The following TNIK variants were observed in gnomAD, a reference collection of about 807,000 sequenced individuals.
TNIK encodes the protein TRAF2 and NCK interacting kinase.
Under a neutral mutation model 191.3 loss-of-function variants are expected in TNIK, and 49 were observed. The ratio of observed to expected loss-of-function variants is 0.26; its 90% CI spans 0.20 to 0.32. TNIK has a LOEUF of 0.32. TNIK is among the 10% of genes least tolerant of loss of function. The pLI is 1.00. For missense variants in TNIK, 1,155 were observed against 1,702.3 expected (o/e 0.68, Z 5.66); for synonymous variants, 594 against 600.9 (o/e 0.99, Z 0.17).
chr3:171,394,127 T>A (rs75450865), intron 1 of TNIK, among the ~76,000 whole-genome samples: 1,595 of 152,264 alleles, frequency 0.01, 28 homozygotes, highest in African/African-American at 0.035. Flanking sequence ...CCAGAGTAAT[T>A]TTTATCTGGG....
At chr3:171,258,729 C>T (rs1164886066) in intron 2 of TNIK, among the ~76,000 whole-genome samples, 2 of 152,188 alleles carry the variant, frequency 1.3e-5, no homozygotes, top group Non-Finnish European at 2.9e-5. Flanking sequence ...TCTGCCCACT[C>T]CACCTGGTTC....
At chr3:171,305,046 C>A (rs1006663666) in intron 2 of TNIK, among the ~76,000 whole-genome samples, 11 of 99,310 alleles carry the variant, frequency 1.1e-4, no homozygotes, top group South Asian at 3.2e-4. Context: ...ATCTCTGCCA[C>A]AGGGAAAAAA....
intron 28 of TNIK, 117 bp downstream of exon 28, chr3:171,079,382 GCTGAAGGTTCCAGCAACAT>G (rs1720388789): frequency 2.0e-6 from 2 of 1,005,618 alleles, no homozygotes; most frequent in African/African-American, 3.3e-5. Flanking sequence ...TATAAATAAT[GCTGAAGGTTCCAGCAACAT>G]CTGAAGCTGG....
chr3:171,283,724 C>A (rs913435317), intron 2 of TNIK, among the ~76,000 whole-genome samples: 1 of 152,188 alleles, frequency 6.6e-6, no homozygotes, highest in Non-Finnish European at 1.5e-5. Context: ...CCCTGGGAAG[C>A]TGCCAGTGGC....
chr3:171,314,826 C>G (rs1327523768), intron 2 of TNIK, among the ~76,000 whole-genome samples: 1 of 152,002 alleles, frequency 6.6e-6, no homozygotes, highest in Non-Finnish European at 1.5e-5. Context: ...ATTCAGGAGG[C>G]AGAAGGGAGG....
chr3:171,421,059 G>C (rs1231293691), intron 1 of TNIK, among the ~76,000 whole-genome samples: 1 of 152,178 alleles, frequency 6.6e-6, no homozygotes, highest in Admixed American at 6.5e-5. Flanking sequence ...GGGGACTACA[G>C]TACAAATCCT....
In TNIK at chr3:171,401,971, T is replaced by C. The variant is rs146711847; in HGVS notation, c.58-32286A>G. Among the ~76,000 whole-genome samples the C allele has an allele frequency of 3.3e-3, 508 of 152,306 alleles. 4 individuals carry two copies. Among genetic ancestry groups the C allele is most frequent in the Middle Eastern group, 3.4e-3 (1 of 294 alleles). ...GTCTGTTTCTTAGGAATCTATCAAATAGAAGTCAGCAGTTGCTTCTCAATT... is the reference window on the plus strand; with the variant it reads ...GTCTGTTTCTTAGGAATCTATCAAACAGAAGTCAGCAGTTGCTTCTCAATT... On this transcript the variant is annotated intron_variant, in intron 1 of 32. Coordinates refer to ENST00000436636, the MANE Select transcript of TNIK (RefSeq NM_015028.4).
intron 2 of TNIK, among the ~76,000 whole-genome samples, chr3:171,337,616 A>G (rs1246049092): frequency 6.6e-6 from 1 of 152,182 alleles, no homozygotes; most frequent in African/African-American, 2.4e-5. Flanking sequence ...ATAACGATAG[A>G]TGTGTATTAC....
At chr3:171,450,000 C>A (rs1727981885) in intron 1 of TNIK, among the ~76,000 whole-genome samples, 1 of 151,740 alleles carries the variant, frequency 6.6e-6, no homozygotes, top group Admixed American at 6.6e-5. Flanking sequence ...GGTGCCACTG[C>A]ACTCCAGCCT....
chr3:171,117,551 A>G (rs1726939188), intron 18 of TNIK, among the ~76,000 whole-genome samples: 1 of 152,248 alleles, frequency 6.6e-6, no homozygotes. Flanking sequence ...CATTAAATAC[A>G]GAAATAAATA....
chr3:171,310,292 T>TA (rs2108298166), intron 2 of TNIK, among the ~76,000 whole-genome samples: 1 of 152,236 alleles, frequency 6.6e-6, no homozygotes, highest in Admixed American at 6.5e-5. Flanking sequence ...CTGAATCTAA[T>TA]GCAGCCTCTT....
intron 2 of TNIK, among the ~76,000 whole-genome samples, chr3:171,240,602 CCCTTT>C (rs1313502899): frequency 1.3e-5 from 2 of 152,152 alleles, no homozygotes; most frequent in Non-Finnish European, 2.9e-5. Context: ...GTTTCCTTCT[CCCTTT>C]CCTCCAATGT....
At chr3:171,210,205 A>T (rs552892171) in intron 4 of TNIK, among the ~76,000 whole-genome samples, 1 of 152,344 alleles carries the variant, frequency 6.6e-6, no homozygotes, top group South Asian at 2.1e-4. Context: ...AGGGAAGAAG[A>T]AAGAGTGAAA....
At chr3:171,145,284 CA>C (rs1731399228) in intron 12 of TNIK, among the ~76,000 whole-genome samples, 2 of 152,082 alleles carry the variant, frequency 1.3e-5, no homozygotes, top group Non-Finnish European at 2.9e-5. Flanking sequence ...GACGGGGTAT[CA>C]CCGTGTTAGC....
In TNIK at chr3:171,059,391, GA is replaced by G. The variant is rs1228192827; in HGVS notation, c.*4489del. Among the ~76,000 whole-genome samples the G allele has an allele frequency of 6.6e-6, 1 of 152,140 alleles. No homozygotes were observed. The highest frequency in any genetic ancestry group is 2.4e-5 in the African/African-American group (1 of 41,448). On this transcript the variant is annotated 3_prime_UTR_variant, in exon 33 of 33. Coordinates refer to ENST00000436636, the MANE Select transcript of TNIK (RefSeq NM_015028.4). ...GGCACTTCCTGGAATGGCAGGTCTA[GA>G]AGAATAAAGTCCAAAGCACAGGGTT...
intron 1 of TNIK, among the ~76,000 whole-genome samples, chr3:171,407,222 A>T (rs996031442): frequency 2.6e-5 from 4 of 152,188 alleles, no homozygotes; most frequent in Admixed American, 6.5e-5. Flanking sequence ...AGGCCTTCTG[A>T]CAGAGGTCAG....
At chr3:171,327,409 A>G (rs149859315) in intron 2 of TNIK, among the ~76,000 whole-genome samples, 1 of 152,258 alleles carries the variant, frequency 6.6e-6, no homozygotes, top group East Asian at 1.9e-4. Flanking sequence ...CCTCATGTCT[A>G]GGAGGGACCA....
intron 2 of TNIK, among the ~76,000 whole-genome samples, chr3:171,335,113 G>A (rs1756828203): frequency 6.6e-6 from 1 of 151,700 alleles, no homozygotes; most frequent in Non-Finnish European, 1.5e-5. Flanking sequence ...TAATGCAAAA[G>A]GGTCTGGAAC....
At chr3:171,224,204 G>A (rs1742703991) in intron 3 of TNIK, among the ~76,000 whole-genome samples, 2 of 152,190 alleles carry the variant, frequency 1.3e-5, no homozygotes, top group Non-Finnish European at 2.9e-5. Context: ...TGACTTCTCT[G>A]CATCCTGCTG....
Sources: allele counts gnomAD v4.1 joint callset (sites outside exome capture counted in the v4.1 genomes callset), GRCh38; gene constraint gnomAD v4.1.1; transcripts MANE v1.5; gene names NCBI Gene and HGNC (gene_info 2026-07-23, HGNC 2026-07-21).